CAND1: variants seen among roughly 807,000 people sequenced by gnomAD.
CAND1 encodes cullin-associated NEDD8-dissociated protein 1.
In CAND1, 7 loss-of-function variants were observed where a neutral mutation model predicts 108.5. The observed-to-expected ratio is 0.06, with a 90% CI of 0.04 to 0.12. The LOEUF is 0.12. CAND1 is among the 10% of genes least tolerant of loss of function. The pLI is 1.00. For missense variants in CAND1, 941 were observed against 1,448.7 expected (o/e 0.65, Z 5.69); for synonymous variants, 534 against 512.0 (o/e 1.04, Z -0.58).
In CAND1 at chr12:67,317,571, C is replaced by G. The variant is rs930122614; in HGVS notation, c.*4741C>G. 3.4e-5 allele frequency: 5 copies of G among 145,698 alleles called. No homozygotes were observed. Among genetic ancestry groups the G allele is most frequent in the African/African-American group, 1.3e-4 (5 of 38,548 alleles). The allele number at this position is 145,698 out of a possible 1,614,324, so 9.0% of individuals were successfully genotyped here. ...AATATCGGCTCACTGCAACCTCTGC[C>G]TCCCGGGTTCTAGCTATTCTCCTGC... is the stretch of plus-strand genomic sequence containing the variant. On this transcript the variant is annotated 3_prime_UTR_variant, in exon 15 of 15. Transcript: ENST00000545606.
At chr12:67,280,706 G>A (rs1013485511) in intron 1 of CAND1, among the ~76,000 whole-genome samples, 1 of 152,176 alleles carries the variant, frequency 6.6e-6, no homozygotes, top group Non-Finnish European at 1.5e-5. Flanking sequence ...TGTTTGGTAA[G>A]GCATGTGGAG....
In CAND1 at chr12:67,269,637, C is replaced by A; in HGVS notation, c.-81C>A. ...GAGCCGCCGCGAGCGAGAGGAGGAG[C>A]TCCAGTGGCGGCGGCGGCGGCGGCA... On this transcript the variant is annotated 5_prime_UTR_variant, in exon 1 of 15. Transcript: ENST00000545606. 8.0e-6 allele frequency: 10 copies of A among 1,246,426 alleles called. No homozygotes were observed. The South Asian group carries it at 1.1e-4, about 14-fold the overall frequency. The allele number at this position is 1,246,426 out of a possible 1,614,324, so 77.2% of individuals were successfully genotyped here. A position where few individuals can be genotyped will look rare whatever the true frequency, so the allele number is the denominator to read the frequency against.
rs188517996 is a variant in CAND1, at chr12:67,299,328, T to C, written c.1000+233T>C. Among the ~76,000 whole-genome samples, 443 of 152,230 alleles carry C rather than the reference T, an allele frequency of 2.9e-3. 4 individuals carry two copies. Among genetic ancestry groups the C allele is most frequent in the African/African-American group, 0.01 (422 of 41,562 alleles). On this transcript the variant is annotated intron_variant, in intron 7 of 14. Transcript: ENST00000545606. Reference sequence around the variant, plus strand: ...TCATTCATTAATGCTGTTAATAAGGTGAGTGAAAAGTATGTAGCAAAAATT... The same window carrying C: ...TCATTCATTAATGCTGTTAATAAGGCGAGTGAAAAGTATGTAGCAAAAATT...
At chr12:67,291,693 T>G (rs1458650086) in intron 2 of CAND1, among the ~76,000 whole-genome samples, 2 of 152,162 alleles carry the variant, frequency 1.3e-5, no homozygotes, top group African/African-American at 4.8e-5. Flanking sequence ...AAATAATAAT[T>G]CTCTGCACGA....
intron 1 of CAND1, among the ~76,000 whole-genome samples, chr12:67,279,598 A>G (rs1360064826): frequency 1.3e-5 from 2 of 152,206 alleles, no homozygotes; most frequent in Non-Finnish European, 2.9e-5. Context: ...TTTTTAAAAT[A>G]TTTAACCATT....
Position 67,269,702 on chromosome 12 carries a change from G to A in CAND1, c.-16G>A, listed in dbSNP as rs1456250841. 2 of 1,598,492 alleles carry A rather than the reference G, an allele frequency of 1.3e-6. No homozygotes were observed. The highest frequency in any genetic ancestry group is 1.7e-5 in the Admixed American group (1 of 58,574). On this transcript the variant is annotated 5_prime_UTR_variant, in exon 1 of 15. Transcript: ENST00000545606. ...CAGCTCCAGCAGCGCCAGCAGGCGG[G>A]ATCGAGGCCGTCAACATGGCGAGCG...
At chr12:67,290,959 C>T (rs1032993627) in intron 2 of CAND1, among the ~76,000 whole-genome samples, 3 of 152,138 alleles carry the variant, frequency 2.0e-5, no homozygotes, top group Non-Finnish European at 2.9e-5. Flanking sequence ...GTTGCATGCT[C>T]CTTATGAGAA....
chr12:67,308,752 A>G (rs1174282802), intron 11 of CAND1, among the ~76,000 whole-genome samples: 1 of 152,052 alleles, frequency 6.6e-6, no homozygotes, highest in Non-Finnish European at 1.5e-5. Context: ...TTAGTATGCA[A>G]ATAAAGGGGA....
Position 67,315,929 on chromosome 12 carries a change from A to G in CAND1, c.*3099A>G, listed in dbSNP as rs940123767. 1 of 152,228 alleles carries G rather than the reference A, an allele frequency of 6.6e-6. No individual in the cohort carries two copies. The highest frequency in any genetic ancestry group is 1.5e-5 in the Non-Finnish European group (1 of 68,038). 9.4% of individuals were successfully genotyped at this position (152,228 alleles called of 1,614,324 possible). A position where few individuals can be genotyped will look rare whatever the true frequency, so the allele number is the denominator to read the frequency against. ...CCTGTAAGCTCTAGTTAGTCACAAGACAAAGTATATAGTAACACTTTGTAA... is the reference window on the plus strand; with the variant it reads ...CCTGTAAGCTCTAGTTAGTCACAAGGCAAAGTATATAGTAACACTTTGTAA... On this transcript the variant is annotated 3_prime_UTR_variant, in exon 15 of 15. Coordinates refer to ENST00000545606, the MANE Select transcript of CAND1 (RefSeq NM_018448.5).
chr12:67,316,090 G>C lies in CAND1; in HGVS notation c.*3260G>C, dbSNP rs1351347681. On this transcript the variant is annotated 3_prime_UTR_variant, in exon 15 of 15. Coordinates refer to ENST00000545606, the MANE Select transcript of CAND1 (RefSeq NM_018448.5). The stretch of plus-strand genomic sequence containing the variant: ...TTAAACATTTCAGCAAGTAAATTTT[G>C]GATTCTAGCTCTGTTTTAAATTGAA... 6.6e-6 allele frequency: 1 copy of C among 152,010 alleles called. No homozygotes were observed. The highest frequency in any genetic ancestry group is 2.4e-5 in the African/African-American group (1 of 41,392). 9.4% of individuals were successfully genotyped at this position (152,010 alleles called of 1,614,324 possible). A position where few individuals can be genotyped will look rare whatever the true frequency, so the allele number is the denominator to read the frequency against.
At chr12:67,281,120 T>C (rs2044615893) in intron 1 of CAND1, among the ~76,000 whole-genome samples, 1 of 150,390 alleles carries the variant, frequency 6.6e-6, no homozygotes, top group Admixed American at 6.6e-5. Context: ...TTATAAATTA[T>C]AATTATTATA....
rs1207974698 is a variant in CAND1, at chr12:67,305,182, T to A, written c.1514T>A (p.Leu505His). 6.2e-7 allele frequency: 1 copy of A among 1,614,162 alleles called. No individual in the cohort carries two copies. The highest frequency in any genetic ancestry group is 1.7e-5 in the Admixed American group (1 of 60,022). Reference protein sequence around the residue: ...IDALSCLYVILCNHSPQVFHP... With the variant: ...IDALSCLYVIHCNHSPQVFHP... ...GCTTTGTCATGTCTATACGTAATCC[T>A]CTGTAACCATTCTCCTCAAGTCTTC... is the stretch of plus-strand genomic sequence containing the variant. Residue 505 changes from leucine to histidine, a missense_variant, in exon 10 of 15, where the codon CTC becomes CAC. Around this residue, in one of 9 missense-constraint regions of CAND1, gnomAD observed 697 missense variants for 942.0 expected, o/e 0.74. Transcript: ENST00000545606. The surrounding 1 kb of genome is among the most constrained non-coding windows in gnomAD (Gnocchi z 4.4).
chr12:67,305,732 C>T lies in CAND1; in HGVS notation c.2064C>T (p.Ala688=). 1 of 1,614,164 alleles carries T rather than the reference C, an allele frequency of 6.2e-7. No homozygotes were observed. Among genetic ancestry groups the T allele is most frequent in the South Asian group, 1.1e-5 (1 of 91,082 alleles). ...IKNYSDSLTA[A]MIDAVLDELP... ...ACTATAGTGACAGCTTGACAGCTGCCATGATTGATGCAGTTCTAGATGAGC... is the reference window on the plus strand; with the variant it reads ...ACTATAGTGACAGCTTGACAGCTGCTATGATTGATGCAGTTCTAGATGAGC... The change falls in exon 10 of 15, where the codon GCC becomes GCT. Residue 688 remains alanine (A), a synonymous_variant. Coordinates refer to ENST00000545606, the MANE Select transcript of CAND1 (RefSeq NM_018448.5). This position sits in a 1 kb window ranked among gnomAD's most constrained non-coding sequence, Gnocchi z 4.4.
chr12:67,316,979 T>C lies in CAND1; in HGVS notation c.*4149T>C, dbSNP rs1248530933. The C allele has an allele frequency of 6.6e-6, 1 of 152,090 alleles. No individual in the cohort carries two copies. Among genetic ancestry groups the C allele is most frequent in the Non-Finnish European group, 1.5e-5 (1 of 68,050 alleles). 9.4% of individuals were successfully genotyped at this position (152,090 alleles called of 1,614,324 possible). A position where few individuals can be genotyped will look rare whatever the true frequency, so the allele number is the denominator to read the frequency against. On this transcript the variant is annotated 3_prime_UTR_variant, in exon 15 of 15. Coordinates refer to ENST00000545606, the MANE Select transcript of CAND1 (RefSeq NM_018448.5). ...CTCTAGGCAACATAGTGAGACCCTG[T>C]CTCTACCAAAAAGAAGAAAAAAGAA...
intron 14 of CAND1, among the ~76,000 whole-genome samples, chr12:67,312,035 T>A (rs2044955921): frequency 6.6e-6 from 1 of 152,172 alleles, no homozygotes; most frequent in Non-Finnish European, 1.5e-5. Flanking sequence ...TACTGATACA[T>A]ATTTGAAGTA....
chr12:67,281,943 G>T lies in CAND1; in HGVS notation c.102G>T (p.Leu34=), dbSNP rs767297049. 2.5e-6 allele frequency: 4 copies of T among 1,610,496 alleles called. No homozygotes were observed. Among genetic ancestry groups the T allele is most frequent in the Non-Finnish European group, 3.4e-6 (4 of 1,178,134 alleles). The change falls in exon 2 of 15, where the codon CTG becomes CTT. Residue 34 remains leucine, a synonymous_variant. Transcript: ENST00000545606. ...FMATNDLMTE[L]QKDSIKLDDD... is the part of the protein sequence containing the mutation. ...CTACAAATGATTTGATGACGGAACT[G>T]CAGAAAGATTCCATCAAGTTGGATG... is the stretch of plus-strand genomic sequence containing the variant.
intron 2 of CAND1, among the ~76,000 whole-genome samples, chr12:67,291,624 G>A (rs1301751709): frequency 2.6e-5 from 4 of 152,064 alleles, no homozygotes; most frequent in Non-Finnish European, 4.4e-5. Flanking sequence ...CACATAGCCC[G>A]AAGGTAATTT....
intron 1 of CAND1, among the ~76,000 whole-genome samples, chr12:67,276,480 A>G (rs2044570545): frequency 6.6e-6 from 1 of 152,180 alleles, no homozygotes; most frequent in Non-Finnish European, 1.5e-5. Flanking sequence ...AATTTGGGAA[A>G]GAGTCTAAGG....
At chr12:67,286,525 T>C (rs2044673811) in intron 2 of CAND1, among the ~76,000 whole-genome samples, 1 of 151,440 alleles carries the variant, frequency 6.6e-6, no homozygotes, top group African/African-American at 2.4e-5. Context: ...CCCTGATAAC[T>C]AATGATGTCA....
Sources: allele counts gnomAD v4.1 joint callset (sites outside exome capture counted in the v4.1 genomes callset), GRCh38; gene constraint gnomAD v4.1.1; regional missense constraint gnomAD v4.1.1; non-coding constraint Gnocchi (gnomAD v3.1); transcripts MANE v1.5; gene names NCBI Gene and HGNC (gene_info 2026-07-23, HGNC 2026-07-21).